The following PTPRT variants were observed in gnomAD, a reference collection of about 807,000 sequenced individuals.
PTPRT encodes the protein receptor-type tyrosine-protein phosphatase T.
A neutral mutation model predicts 176.8 loss-of-function variants in PTPRT; 56 were observed. The ratio of observed to expected loss-of-function variants is 0.32; its 90% CI spans 0.26 to 0.40. The LOEUF (loss-of-function observed/expected upper bound fraction) is 0.40. Ranked by LOEUF, PTPRT falls within the 10% of genes least tolerant of loss-of-function variation. PTPRT has a pLI of 1.00. For missense variants in PTPRT, 1,540 were observed against 1,908.2 expected, an observed-to-expected ratio of 0.81 and a Z score of 3.60; for synonymous variants, 783 against 739.0, an observed-to-expected ratio of 1.06 and a Z score of -0.96.
chr20:42,199,162 T>C (rs940017144), intron 16 of PTPRT, 78 bp downstream of exon 16: 16 of 1,515,544 alleles, frequency 1.1e-5, no homozygotes, highest in South Asian at 1.0e-4. Context: ...ACCTGATCAA[T>C]GTGTGGGGTT....
chr20:42,065,974 G>C, the PTPRT span, among the ~76,000 whole-genome samples: 7 of 151,386 alleles, frequency 4.6e-5, no homozygotes, highest in African/African-American at 7.3e-5. Flanking sequence ...TTACTGTTAG[G>C]CTTCCTCATA....
intron 6 of PTPRT, among the ~76,000 whole-genome samples, chr20:42,704,350 C>T (rs1000634451): frequency 1.7e-4 from 26 of 151,892 alleles, no homozygotes; most frequent in Non-Finnish European, 3.8e-4. Context: ...TACATTCTCC[C>T]TCACTACAAT....
intron 12 of PTPRT, among the ~76,000 whole-genome samples, chr20:42,301,192 G>A (rs1015338590): frequency 6.6e-6 from 1 of 152,186 alleles, no homozygotes; most frequent in Non-Finnish European, 1.5e-5. Context: ...CAAAGTTAAT[G>A]TCACCAGTAA....
At chr20:43,113,536 C>T (rs16987770) in intron 1 of PTPRT, among the ~76,000 whole-genome samples, 1,851 of 152,120 alleles carry the variant, frequency 0.012, 19 homozygotes, top group East Asian at 0.048. Flanking sequence ...ATTGAAAAGC[C>T]CAGAAATAGT....
intron 6 of PTPRT, among the ~76,000 whole-genome samples, chr20:42,724,781 A>G (rs1242276980): frequency 6.6e-6 from 1 of 152,052 alleles, no homozygotes; most frequent in Non-Finnish European, 1.5e-5. Flanking sequence ...CTAGCATAGC[A>G]TCTTCCAATC....
At chr20:42,539,869 C>T (rs992946440) in intron 7 of PTPRT, among the ~76,000 whole-genome samples, 11 of 151,876 alleles carry the variant, frequency 7.2e-5, no homozygotes, top group Admixed American at 2.0e-4. Flanking sequence ...GCAAAACATC[C>T]GAAGATTTGG....
chr20:42,265,764 C>A (rs765304650), intron 13 of PTPRT, among the ~76,000 whole-genome samples: 21 of 152,286 alleles, frequency 1.4e-4, no homozygotes, highest in Non-Finnish European at 2.4e-4. Context: ...TCACAGGGCC[C>A]AGGGCATGAC....
chr20:42,624,180 G>A (rs1232046185), intron 7 of PTPRT, among the ~76,000 whole-genome samples: 1 of 152,020 alleles, frequency 6.6e-6, no homozygotes, highest in Non-Finnish European at 1.5e-5. Context: ...ATTTGCACAG[G>A]GGCCAAAGGG....
chr20:42,747,612 G>C (rs1256282661), intron 6 of PTPRT, among the ~76,000 whole-genome samples: 1 of 152,192 alleles, frequency 6.6e-6, no homozygotes, highest in Non-Finnish European at 1.5e-5. Context: ...GCAGAGACCA[G>C]ATCGATAAAA....
intron 2 of PTPRT, among the ~76,000 whole-genome samples, chr20:42,882,836 G>A (rs77944969): frequency 0.014 from 2,152 of 152,330 alleles, 20 homozygotes; most frequent in Middle Eastern, 0.024. Flanking sequence ...AGGTGCAACG[G>A]GAACCATTAC....
chr20:42,194,720 A>C (rs1372235307), intron 16 of PTPRT, among the ~76,000 whole-genome samples: 1 of 152,214 alleles, frequency 6.6e-6, no homozygotes, highest in African/African-American at 2.4e-5. Flanking sequence ...TAAATGGAAA[A>C]CAATGCACGT....
At chr20:42,803,467 C>T (rs2077559901) in intron 2 of PTPRT, among the ~76,000 whole-genome samples, 1 of 152,242 alleles carries the variant, frequency 6.6e-6, no homozygotes, top group East Asian at 1.9e-4. Flanking sequence ...TGGATGTTCC[C>T]TGCTTTTCCC....
intron 9 of PTPRT, 91 bp from the exon 10 acceptor site, chr20:42,352,376 G>T: frequency 7.6e-7 from 1 of 1,308,066 alleles, no homozygotes; most frequent in South Asian, 1.3e-5. Context: ...AGGGAGGCGG[G>T]GGAAGGGGCA....
chr20:42,648,494 G>T (rs1205660997), intron 7 of PTPRT, among the ~76,000 whole-genome samples: 1 of 152,094 alleles, frequency 6.6e-6, no homozygotes. Context: ...GAAACAGCAG[G>T]TTCTATCATT....
intron 7 of PTPRT, among the ~76,000 whole-genome samples, chr20:42,579,035 T>C (rs2073321749): frequency 6.6e-6 from 1 of 151,702 alleles, no homozygotes; most frequent in African/African-American, 2.4e-5. Flanking sequence ...ATTAGGTATA[T>C]CTTTTAATGC....
chr20:42,584,120 G>C (rs2073428470), intron 7 of PTPRT, among the ~76,000 whole-genome samples: 1 of 152,182 alleles, frequency 6.6e-6, no homozygotes, highest in Non-Finnish European at 1.5e-5. Flanking sequence ...CAAGAGACCT[G>C]TCTTCTGATG....
intron 17 of PTPRT, among the ~76,000 whole-genome samples, chr20:42,159,449 T>C (rs528158672): frequency 4.5e-4 from 69 of 152,040 alleles, no homozygotes; most frequent in Non-Finnish European, 8.2e-4. Flanking sequence ...CTTTAAGTTT[T>C]AGGGTACCAA....
chr20:42,756,727 C>A, intron 5 of PTPRT, 91 bp from the exon 6 acceptor site: 1 of 1,159,586 alleles, frequency 8.6e-7, no homozygotes, highest in South Asian at 1.7e-5. Context: ...CATCCTCACA[C>A]CCCTGGGGCT....
rs115224595 is a variant in PTPRT, at chr20:42,888,800, G to T, written c.89-2868C>A. Among the ~76,000 whole-genome samples the T allele has an allele frequency of 7.9e-3, 1,202 of 152,236 alleles. 20 individuals carry two copies. The highest frequency in any genetic ancestry group is 0.027 in the African/African-American group (1,136 of 41,518). On this transcript the variant is annotated intron_variant, in intron 1 of 30. Coordinates refer to ENST00000373187, the MANE Select transcript of PTPRT (RefSeq NM_007050.6). ...CTCTGGACATGGCACAGAATTGACAGATATGATCCTTACCCTCACAAAGTT... is the reference window on the plus strand; with the variant it reads ...CTCTGGACATGGCACAGAATTGACATATATGATCCTTACCCTCACAAAGTT...
Sources: gnomAD v4.1 joint callset for allele counts (sites outside exome capture counted in the v4.1 genomes callset) on GRCh38, gnomAD v4.1.1 for gene constraint, MANE v1.5 for transcripts, NCBI Gene and HGNC (gene_info 2026-07-23, HGNC 2026-07-21) for gene names.